Variants in TNFSF4 observed in about 807,000 individuals in gnomAD.
The protein encoded by TNFSF4 is TNF superfamily member 4, also known as tumor necrosis factor ligand superfamily member 4.
A neutral mutation model predicts 7.3 loss-of-function variants in TNFSF4; 4 were observed. The ratio of observed to expected loss-of-function variants is 0.55; its 90% CI spans 0.27 to 1.25. The LOEUF (loss-of-function observed/expected upper bound fraction) is 1.25. Ranked by LOEUF, TNFSF4 falls within the 50% of genes most tolerant of loss-of-function variation. The pLI is 0.12. For missense variants in TNFSF4, 181 were observed against 208.8 expected (o/e 0.87, Z 0.82); for synonymous variants, 76 against 83.7 (o/e 0.91, Z 0.50).
chr1:173,304,412 T>C, the TNFSF4 span, among the ~76,000 whole-genome samples: 4 of 151,810 alleles, frequency 2.6e-5, no homozygotes, highest in African/African-American at 7.2e-5. Context: ...ATAAATGACA[T>C]AGGAAAATCT....
the TNFSF4 span, among the ~76,000 whole-genome samples, chr1:173,413,013 G>A: frequency 6.6e-6 from 1 of 152,164 alleles, no homozygotes; most frequent in Non-Finnish European, 1.5e-5. Flanking sequence ...GGGGTCCTAT[G>A]GCCCATCCTG....
At chr1:173,410,018 A>G in the TNFSF4 span, among the ~76,000 whole-genome samples, 2 of 152,162 alleles carry the variant, frequency 1.3e-5, no homozygotes, top group Non-Finnish European at 1.5e-5. Flanking sequence ...CAATCCCAGC[A>G]ATTTGGAAGG....
At chr1:173,429,555 T>C in the TNFSF4 span, among the ~76,000 whole-genome samples, 6 of 152,208 alleles carry the variant, frequency 3.9e-5, no homozygotes, top group African/African-American at 1.4e-4. Flanking sequence ...AAAGAGAAAC[T>C]GGTCCTCAAG....
At chr1:173,238,005 C>G in the TNFSF4 span, among the ~76,000 whole-genome samples, 7 of 152,216 alleles carry the variant, frequency 4.6e-5, no homozygotes, top group Admixed American at 4.6e-4. Flanking sequence ...CAACTTCAAA[C>G]TGTACTACAA....
At chr1:173,206,582 A>C (rs779656255) in intron 1 of TNFSF4, among the ~76,000 whole-genome samples, 1 of 152,208 alleles carries the variant, frequency 6.6e-6, no homozygotes, top group Non-Finnish European at 1.5e-5. Flanking sequence ...CTTTACAAAG[A>C]AAATCACCTT....
intron 1 of TNFSF4, chr1:173,205,472 A>G (rs1650147753): frequency 3.3e-6 from 5 of 1,518,800 alleles, no homozygotes; most frequent in Non-Finnish European, 3.5e-6. Flanking sequence ...AGCAAGCTGT[A>G]CAACTGTGGT....
At chr1:173,226,796 A>G in the TNFSF4 span, among the ~76,000 whole-genome samples, 1 of 152,230 alleles carries the variant, frequency 6.6e-6, no homozygotes, top group African/African-American at 2.4e-5. Context: ...GTGCAATTTA[A>G]GTATTTCTCT....
chr1:173,217,933 G>T, the TNFSF4 span, among the ~76,000 whole-genome samples: 2 of 152,022 alleles, frequency 1.3e-5, no homozygotes, highest in Non-Finnish European at 2.9e-5. Context: ...ATTCTTTGTA[G>T]GGACAGGGTC....
the TNFSF4 span, among the ~76,000 whole-genome samples, chr1:173,379,884 C>T: frequency 2.6e-5 from 4 of 152,240 alleles, no homozygotes; most frequent in African/African-American, 7.2e-5. Flanking sequence ...GAGGCAGTCA[C>T]TGGAAGATGC....
the TNFSF4 span, among the ~76,000 whole-genome samples, chr1:173,380,083 A>T: frequency 9.9e-3 from 1,506 of 152,266 alleles, 15 homozygotes; most frequent in Middle Eastern, 0.024. Flanking sequence ...CTCAGTGTTA[A>T]TCTCCTGTCC....
the TNFSF4 span, among the ~76,000 whole-genome samples, chr1:173,396,775 C>A: frequency 6.6e-6 from 1 of 152,216 alleles, no homozygotes; most frequent in East Asian, 1.9e-4. Context: ...AATCTTAGAG[C>A]GGATTTGTCA....
chr1:173,246,115 T>C, the TNFSF4 span, among the ~76,000 whole-genome samples: 1 of 152,222 alleles, frequency 6.6e-6, no homozygotes, highest in Non-Finnish European at 1.5e-5. Flanking sequence ...TGGATCTTAT[T>C]TAGGGTAGTC....
the TNFSF4 span, among the ~76,000 whole-genome samples, chr1:173,393,416 T>A: frequency 2.6e-5 from 4 of 152,222 alleles, no homozygotes; most frequent in African/African-American, 4.8e-5. Context: ...ACTGTCTCCT[T>A]GCCTCTGAAC....
the TNFSF4 span, among the ~76,000 whole-genome samples, chr1:173,343,119 T>C: frequency 1.5e-4 from 23 of 152,214 alleles, no homozygotes; most frequent in African/African-American, 5.3e-4. Context: ...ATTCATATGA[T>C]CAATAACTAC....
chr1:173,362,142 A>G, the TNFSF4 span, among the ~76,000 whole-genome samples: 12 of 152,366 alleles, frequency 7.9e-5, no homozygotes, highest in African/African-American at 2.2e-4. Context: ...TTTTCTTATC[A>G]TCAATACATT....
chr1:173,248,128 T>C, the TNFSF4 span, among the ~76,000 whole-genome samples: 3 of 152,068 alleles, frequency 2.0e-5, no homozygotes, highest in East Asian at 3.9e-4. Flanking sequence ...GGCCGAGGCA[T>C]GTGGATCACG....
chr1:173,416,835 G>A, the TNFSF4 span, among the ~76,000 whole-genome samples: 1 of 151,926 alleles, frequency 6.6e-6, no homozygotes, highest in Non-Finnish European at 1.5e-5. Flanking sequence ...GGACTCAAGC[G>A]ATCCACCCGC....
the TNFSF4 span, among the ~76,000 whole-genome samples, chr1:173,441,763 G>T: frequency 1.3e-5 from 2 of 152,230 alleles, no homozygotes; most frequent in African/African-American, 4.8e-5. Flanking sequence ...GAACAAGAAT[G>T]TGTGTTTGCA....
At chr1:173,343,394 G>A in the TNFSF4 span, among the ~76,000 whole-genome samples, 7 of 152,124 alleles carry the variant, frequency 4.6e-5, no homozygotes, top group African/African-American at 1.7e-4. Flanking sequence ...ACCATTATAA[G>A]CAGAGGGGAA....
Sources: gnomAD v4.1 joint callset for allele counts (sites outside exome capture counted in the v4.1 genomes callset) on GRCh38, gnomAD v4.1.1 for gene constraint, MANE v1.5 for transcripts, NCBI Gene and HGNC (gene_info 2026-07-23, HGNC 2026-07-21) for gene names.